CDH24: variants seen among roughly 807,000 people sequenced by gnomAD.
CDH24 encodes cadherin 24, also known as cadherin-24.
In CDH24, 61 loss-of-function variants were observed where a neutral mutation model predicts 71.2. That is an observed-to-expected ratio of 0.86 (90% CI 0.70 to 1.06). The LOEUF is 1.06. Ranked by LOEUF, CDH24 falls within the 50% of genes least tolerant of loss-of-function variation. The pLI is 0.00. For synonymous variants in CDH24, 440 were observed against 470.2 expected, an observed-to-expected ratio of 0.94 and a Z score of 0.83; for missense variants, 961 against 1,083.7, an observed-to-expected ratio of 0.89 and a Z score of 1.59.
chr14:23,052,343 C>T (rs751779302), intron 8 of CDH24, 130 bp downstream of exon 8: 18 of 1,001,488 alleles, frequency 1.8e-5, no homozygotes, highest in Admixed American at 5.9e-5. Flanking sequence ...GACTCAGATC[C>T]AGGCTAGGAC....
chr14:23,050,635 TG>T (rs2047079450), intron 8 of CDH24, among the ~76,000 whole-genome samples: 2 of 152,204 alleles, frequency 1.3e-5, no homozygotes, highest in South Asian at 4.1e-4. Flanking sequence ...CAGGCCAGCC[TG>T]GGTACCACAG....
In CDH24 at chr14:23,055,430, G is replaced by A. The variant is rs1265957296; in HGVS notation, c.202-77C>T. On this transcript the variant is annotated intron_variant, in intron 2 of 12. Coordinates refer to ENST00000487137, the MANE Select transcript of CDH24 (RefSeq NM_144985.4). This position sits in a 1 kb window ranked among gnomAD's most constrained non-coding sequence, Gnocchi z 4.1. ...TAAAGAGTCTAGGTTTGGGTAGAGC[G>A]TTGGGAGTCCTGAGGGACCAAGGTC... 2.6e-5 allele frequency: 41 copies of A among 1,584,688 alleles called. No individual in the cohort carries two copies. Among genetic ancestry groups the A allele is most frequent in the Middle Eastern group, 1.9e-4 (1 of 5,308 alleles).
Position 23,049,669 on chromosome 14 carries a change from G to A in CDH24, c.1555C>T (p.Pro519Ser), listed in dbSNP as rs747522364. ...GTAAAGTTGGCATCAGGGCCCAGAG[G>A]ACCTTGAAAGGAGACATGGCTACTG... is the stretch of plus-strand genomic sequence containing the variant. Reference protein sequence around the residue: ...GNSSHVSFQGPLGPDANFTVQ... With the variant: ...GNSSHVSFQGSLGPDANFTVQ... Residue 519 changes from proline (P) to serine (S), a missense_variant, in exon 10 of 13, where the codon CCT becomes TCT. Physicochemically the swap from Pro to Ser is moderately conservative, Grantham distance 74 (BLOSUM62 -1). This residue lies in a region of CDH24 where 671 missense variants were observed against 810.9 expected (regional missense o/e 0.83). Transcript: ENST00000487137. 6.2e-7 allele frequency: 1 copy of A among 1,608,630 alleles called. No individual in the cohort carries two copies.
rs1282030736 is a variant in CDH24, at chr14:23,057,488, T to C, written c.-210A>G. On this transcript the variant is annotated 5_prime_UTR_variant, in exon 1 of 13. Coordinates refer to ENST00000487137, the MANE Select transcript of CDH24 (RefSeq NM_144985.4). The surrounding 1 kb of genome is among the most constrained non-coding windows in gnomAD (Gnocchi z 5.4). ...TCCCGGGGGCACAGCCCCGAGCCGA[T>C]TGGAGCGGGCGCCGCGGCTCCGCTG... 3 of 151,660 alleles carry C rather than the reference T, an allele frequency of 2.0e-5. No individual in the cohort carries two copies. Among genetic ancestry groups the C allele is most frequent in the Non-Finnish European group, 4.4e-5 (3 of 67,842 alleles). The allele number at this position is 151,660 out of a possible 1,614,324, so 9.4% of individuals were successfully genotyped here.
Position 23,049,821 on chromosome 14 carries a change from C to G in CDH24, c.1485+1G>C, listed in dbSNP as rs184060458. The G allele has an allele frequency of 6.2e-7, 1 of 1,613,990 alleles. No individual in the cohort carries two copies. Among genetic ancestry groups the G allele is most frequent in the East Asian group, 2.2e-5 (1 of 44,882 alleles). On this transcript the variant is annotated splice_donor_variant, in intron 9 of 12. Transcript: ENST00000487137. LOFTEE classifies it high-confidence loss of function. ...CCAACCCCTCTGCCTCAGTTGCTCACCTGGCCAGGAGCTGCAGAGTCACAC... is the reference window on the plus strand; with the variant it reads ...CCAACCCCTCTGCCTCAGTTGCTCAGCTGGCCAGGAGCTGCAGAGTCACAC...
At position 23,050,117 on chromosome 14, in the gene CDH24, T is replaced by C; in HGVS notation, c.1364-174A>G. 3.6e-6 allele frequency: 3 copies of C among 841,212 alleles called. No homozygotes were observed. The South Asian group carries it at 5.5e-5, about 15-fold the overall frequency. The allele number at this position is 841,212 out of a possible 1,614,324, so 52.1% of individuals were successfully genotyped here. On this transcript the variant is annotated intron_variant, in intron 8 of 12. Transcript: ENST00000487137. Reference sequence around the variant, plus strand: ...CAATGTTGCAGAATGAATGGAACAATACCAAGTGCATACAATATTCATGTA... The same window carrying C: ...CAATGTTGCAGAATGAATGGAACAACACCAAGTGCATACAATATTCATGTA...
intron 8 of CDH24, 154 bp downstream of exon 8, chr14:23,052,319 T>C (rs558256645): frequency 7.5e-5 from 67 of 892,196 alleles, no homozygotes; most frequent in Admixed American, 7.0e-4. Context: ...GGCTAGGACT[T>C]GGATCCAGGC....
In CDH24 at chr14:23,048,173, C is replaced by A. The variant is rs1484176250; in HGVS notation, c.2153G>T (p.Gly718Val). The A allele has an allele frequency of 7.4e-7, 1 of 1,352,456 alleles. No homozygotes were observed. Among genetic ancestry groups the A allele is most frequent in the Non-Finnish European group, 9.5e-7 (1 of 1,048,658 alleles). 83.8% of individuals were successfully genotyped at this position (1,352,456 alleles called of 1,614,324 possible). A position where few individuals can be genotyped will look rare whatever the true frequency, so the allele number is the denominator to read the frequency against. ...CTGCACCGAGTCGTACGGGGGTACG[C>A]CGGGGTCCTCGTCCGCCTCGCGGAG... Reference protein sequence around the residue: ...LRLREADEDPGVPPYDSVQVY... With the variant: ...LRLREADEDPVVPPYDSVQVY... Residue 718 changes from glycine to valine, a missense_variant, in exon 12 of 13, where the codon GGC becomes GTC. Physicochemically the swap from Gly to Val is moderately radical, Grantham distance 109. Coordinates refer to ENST00000487137, the MANE Select transcript of CDH24 (RefSeq NM_144985.4).
chr14:23,054,886 G>A lies in CDH24; in HGVS notation c.497-20C>T, dbSNP rs777935458. ...ATGTCCCTGTGGGGGATGCCAGCAC[G>A]CCATTCAGCAGCAGCAGGGAAGGAT... On this transcript the variant is annotated intron_variant, in intron 3 of 12. Coordinates refer to ENST00000487137, the MANE Select transcript of CDH24 (RefSeq NM_144985.4). The surrounding 1 kb of genome is among the most constrained non-coding windows in gnomAD (Gnocchi z 5.2). 15 of 1,611,642 alleles carry A rather than the reference G, an allele frequency of 9.3e-6. No individual in the cohort carries two copies. The highest frequency in any genetic ancestry group is 4.5e-5 in the East Asian group (2 of 44,874).
At chr14:23,052,436 G>A (rs1474470974) in intron 8 of CDH24, 37 bp downstream of exon 8, 3 of 1,611,818 alleles carry the variant, frequency 1.9e-6, no homozygotes, top group Non-Finnish European at 8.5e-7. Context: ...CCTCGGCCAG[G>A]AGGCTGCTGC....
At chr14:23,048,520 C>T in intron 11 of CDH24, 41 bp from the exon 12 acceptor site, 3 of 1,590,634 alleles carry the variant, frequency 1.9e-6, no homozygotes, top group Non-Finnish European at 8.5e-7. Context: ...GCCAGCAGGG[C>T]CGGGAGCGGG....
At chr14:23,053,072 G>A (rs1464409590) in intron 7 of CDH24, among the ~76,000 whole-genome samples, 1 of 152,018 alleles carries the variant, frequency 6.6e-6, no homozygotes. Context: ...AAGAGTGGCT[G>A]TTCTGCCACT....
At position 23,053,479 on chromosome 14, in the gene CDH24, C is replaced by A; in HGVS notation, c.1226+17G>T. The A allele has an allele frequency of 1.3e-6, 2 of 1,550,630 alleles. No individual in the cohort carries two copies. Among genetic ancestry groups the A allele is most frequent in the Admixed American group, 1.8e-5 (1 of 55,598 alleles). ...GCCTGCCATCTGGCTCCCCAGCCCA[C>A]ATCCCAGCTCACCTACCTGATTGGG... On this transcript the variant is annotated intron_variant, in intron 7 of 12. Coordinates refer to ENST00000487137, the MANE Select transcript of CDH24 (RefSeq NM_144985.4).
Position 23,048,406 on chromosome 14 carries a change from G to A in CDH24, c.1920C>T (p.Val640=). ...CGTCGTAGGTGATGATGTTCTCTCGGACGTCCTCCTCCTCCAGTACCATCA... is the reference window on the plus strand; with the variant it reads ...CGTCGTAGGTGATGATGTTCTCTCGAACGTCCTCCTCCTCCAGTACCATCA... The part of the protein sequence containing the change: ...EALMVLEEED[V]RENIITYDDE... Residue 640 remains valine, a synonymous_variant, in exon 12 of 13, where the codon GTC becomes GTT. Coordinates refer to ENST00000487137, the MANE Select transcript of CDH24 (RefSeq NM_144985.4). 1 of 1,612,442 alleles carries A rather than the reference G, an allele frequency of 6.2e-7. No individual in the cohort carries two copies. Among genetic ancestry groups the A allele is most frequent in the Non-Finnish European group, 8.5e-7 (1 of 1,179,638 alleles).
chr14:23,054,392 C>T lies in CDH24; in HGVS notation c.785-64G>A. 1 of 1,547,612 alleles carries T rather than the reference C, an allele frequency of 6.5e-7. No homozygotes were observed. Among genetic ancestry groups the T allele is most frequent in the South Asian group, 1.2e-5 (1 of 80,872 alleles). On this transcript the variant is annotated intron_variant, in intron 5 of 12. Transcript: ENST00000487137. The surrounding 1 kb of genome is among the most constrained non-coding windows in gnomAD (Gnocchi z 5.2). ...CCCCAGCCCTCCTCCCTCCCCACAG[C>T]ACTTTATTCTCCCAGGATCTGGCTG...
chr14:23,050,005 A>T (rs910716676), intron 8 of CDH24, 62 bp from the exon 9 acceptor site: 1 of 1,580,816 alleles, frequency 6.3e-7, no homozygotes, highest in Non-Finnish European at 8.6e-7. Flanking sequence ...CACGTAACAT[A>T]TGTGGTGCAT....
rs376932486 is a variant in CDH24 at position 23,047,943 on chromosome 14, G to GCC, written c.*35_*36dup. The GCC allele has an allele frequency of 2.4e-3, 2,595 of 1,092,658 alleles. 18 individuals carry two copies. The African/African-American group carries it at 0.028, about 12-fold the overall frequency. 67.7% of individuals were successfully genotyped at this position (1,092,658 alleles called of 1,614,324 possible). A position where few individuals can be genotyped will look rare whatever the true frequency, so the allele number is the denominator to read the frequency against. On this transcript the variant is annotated 3_prime_UTR_variant, in exon 12 of 13. Coordinates refer to ENST00000487137, the MANE Select transcript of CDH24 (RefSeq NM_144985.4). ...CTCACTCAGAGGGCCTGTGCCCGCT[G>GCC]CCCCCCCCCCGCGGTGGGCCGGGCC...
Position 23,054,437 on chromosome 14 carries a change from A to C in CDH24, c.784+69T>G. 1 of 1,563,054 alleles carries C rather than the reference A, an allele frequency of 6.4e-7. No individual in the cohort carries two copies. The highest frequency in any genetic ancestry group is 8.7e-7 in the Non-Finnish European group (1 of 1,150,722). Reference sequence around the variant, plus strand: ...TGGCTGGGGAGGAGGCGAGGAGGGAAGGTTTCTCCAGACACTGTAGGGGTG... The same window carrying C: ...TGGCTGGGGAGGAGGCGAGGAGGGACGGTTTCTCCAGACACTGTAGGGGTG... On this transcript the variant is annotated intron_variant, in intron 5 of 12. Coordinates refer to ENST00000487137, the MANE Select transcript of CDH24 (RefSeq NM_144985.4). This position sits in a 1 kb window ranked among gnomAD's most constrained non-coding sequence, Gnocchi z 5.2.
chr14:23,053,643 G>C lies in CDH24; in HGVS notation c.1079C>G (p.Ser360Cys). 2 of 1,613,962 alleles carry C rather than the reference G, an allele frequency of 1.2e-6. No individual in the cohort carries two copies. Among genetic ancestry groups the C allele is most frequent in the Non-Finnish European group, 1.7e-6 (2 of 1,179,958 alleles). The change falls in exon 7 of 13, where the codon TCT becomes TGT. Residue 360 changes from serine to cysteine, a missense_variant. Coordinates refer to ENST00000487137, the MANE Select transcript of CDH24 (RefSeq NM_144985.4). ...GGCATCTTGCACTGCCACACGCACA[G>C]AGGCCACATCCTTGAAGGGCCCTCG... is the stretch of plus-strand genomic sequence containing the variant. The part of the protein sequence containing the change: ...LRRGPFKDVA[S>C]VRVAVQDAPE...
Sources: allele counts gnomAD v4.1 joint callset (sites outside exome capture counted in the v4.1 genomes callset), GRCh38; gene constraint gnomAD v4.1.1; regional missense constraint gnomAD v4.1.1; non-coding constraint Gnocchi (gnomAD v3.1); transcripts MANE v1.5; gene names NCBI Gene and HGNC (gene_info 2026-07-23, HGNC 2026-07-21).